The following TDP1 variants were observed in gnomAD, a reference collection of about 807,000 sequenced individuals.
TDP1 encodes tyrosyl-DNA phosphodiesterase 1, also known as tyr-DNA phosphodiesterase 1.
A neutral mutation model predicts 81.5 loss-of-function variants in TDP1; 64 were observed. That is an observed-to-expected ratio of 0.79 (90% CI 0.64 to 0.97). The LOEUF is 0.97. Among genes scored for constraint, TDP1 ranks in the 50% least tolerant of loss-of-function variants. TDP1 has a pLI of 0.00. For missense variants in TDP1, 723 were observed against 743.8 expected (o/e 0.97, Z 0.33); for synonymous variants, 256 against 264.3 (o/e 0.97, Z 0.30).
chr14:90,000,808 A>G (rs1897126060), intron 14 of TDP1, among the ~76,000 whole-genome samples: 1 of 152,226 alleles, frequency 6.6e-6, no homozygotes, highest in Non-Finnish European at 1.5e-5. Flanking sequence ...ACCCTTGTAC[A>G]CACTCAAAAG....
intron 3 of TDP1, chr14:89,964,769 A>G (rs1892740739): frequency 2.7e-6 from 1 of 369,712 alleles, no homozygotes; most frequent in Non-Finnish European, 5.2e-6. Flanking sequence ...GCTCTATATA[A>G]TAAAATAACC....
intron 14 of TDP1, among the ~76,000 whole-genome samples, chr14:90,011,678 A>G (rs963220523): frequency 6.6e-6 from 1 of 152,202 alleles, no homozygotes; most frequent in Non-Finnish European, 1.5e-5. Flanking sequence ...CTTGAGAAAG[A>G]TAATATAGGG....
At chr14:90,037,580 TGC>T (rs1163149166) in intron 16 of TDP1, among the ~76,000 whole-genome samples, 2 of 152,174 alleles carry the variant, frequency 1.3e-5, no homozygotes, top group African/African-American at 4.8e-5. Flanking sequence ...AAAGAATTCC[TGC>T]ACACTCTTTA....
At position 89,962,985 on chromosome 14, in the gene TDP1, T is replaced by G. The variant is rs1892508928; in HGVS notation, c.-7-123T>G. ...TTATAAACACCCAAAAAGCAGCTGA[T>G]GTTAGGTGGTTCAGCCTCTGGAAGG... On this transcript the variant is annotated intron_variant, in intron 2 of 16. Transcript: ENST00000335725. 3.1e-5 allele frequency: 48 copies of G among 1,551,090 alleles called. 2 individuals carry two copies. In the South Asian group the frequency reaches 5.4e-4, roughly 18 times the overall value.
chr14:89,967,301 A>G (rs1596509241), intron 4 of TDP1, 66 bp from the exon 5 acceptor site: 2 of 1,485,972 alleles, frequency 1.3e-6, no homozygotes, highest in East Asian at 4.5e-5. Context: ...TAACTAAACA[A>G]TTCTCCTTAT....
intron 14 of TDP1, among the ~76,000 whole-genome samples, chr14:90,013,038 A>G (rs142648472): frequency 3.1e-3 from 467 of 152,278 alleles, no homozygotes; most frequent in African/African-American, 0.011. Flanking sequence ...TCCCATTTAG[A>G]ATGGCTGTGT....
chr14:90,033,031 C>A, intron 15 of TDP1, 75 bp from the exon 16 acceptor site: 1 of 1,205,520 alleles, frequency 8.3e-7, no homozygotes, highest in Non-Finnish European at 1.2e-6. Context: ...ATTATTGCTT[C>A]TTGAGGCCTT....
intron 3 of TDP1, chr14:89,965,620 TC>T (rs1284193559): frequency 4.4e-6 from 1 of 226,032 alleles, no homozygotes; most frequent in Non-Finnish European, 7.4e-6. Flanking sequence ...AAGTGAGACT[TC>T]CCTAGAGATG....
intron 3 of TDP1, chr14:89,964,995 C>T (rs1404716773): frequency 8.3e-6 from 2 of 239,992 alleles, no homozygotes; most frequent in South Asian, 4.1e-5. Context: ...CTACCATGTG[C>T]CATAATTGTA....
intron 7 of TDP1, among the ~76,000 whole-genome samples, chr14:89,977,106 G>C (rs921559380): frequency 1.3e-5 from 2 of 152,096 alleles, no homozygotes; most frequent in African/African-American, 4.8e-5. Context: ...GGCGAGCCAA[G>C]ATCATGCCAC....
At chr14:89,986,428 A>T (rs1465370764) in intron 10 of TDP1, among the ~76,000 whole-genome samples, 1 of 152,270 alleles carries the variant, frequency 6.6e-6, no homozygotes, top group Non-Finnish European at 1.5e-5. Context: ...CAGGGCACAC[A>T]GTAAGTCTTC....
At chr14:90,015,915 G>T (rs76972377) in intron 14 of TDP1, among the ~76,000 whole-genome samples, 3 of 152,042 alleles carry the variant, frequency 2.0e-5, no homozygotes, top group Admixed American at 1.3e-4. Flanking sequence ...CCTAACACTC[G>T]GTAATGGTCA....
intron 7 of TDP1, among the ~76,000 whole-genome samples, chr14:89,978,737 A>G (rs1273375859): frequency 6.6e-6 from 1 of 152,252 alleles, no homozygotes; most frequent in Non-Finnish European, 1.5e-5. Flanking sequence ...ACGTTCTATC[A>G]TGAATCCATA....
chr14:90,036,593 C>T (rs1288836269), intron 16 of TDP1, among the ~76,000 whole-genome samples: 1 of 151,996 alleles, frequency 6.6e-6, no homozygotes, highest in African/African-American at 2.4e-5. Flanking sequence ...ACCAGTATAC[C>T]CTGCTTGGTG....
intron 14 of TDP1, among the ~76,000 whole-genome samples, chr14:90,000,716 C>A (rs919802337): frequency 1.3e-5 from 2 of 152,188 alleles, no homozygotes; most frequent in African/African-American, 4.8e-5. Context: ...TCGATTTACC[C>A]ATCTTATTCT....
At chr14:89,992,745 T>G (rs1406050026) in intron 13 of TDP1, among the ~76,000 whole-genome samples, 2 of 152,206 alleles carry the variant, frequency 1.3e-5, no homozygotes, top group Non-Finnish European at 2.9e-5. Flanking sequence ...AACCTGATTC[T>G]GTTTTCACAG....
chr14:90,032,239 A>C (rs996667934), intron 15 of TDP1, among the ~76,000 whole-genome samples: 5 of 152,122 alleles, frequency 3.3e-5, no homozygotes, highest in Non-Finnish European at 7.3e-5. Context: ...ACTGCCCATG[A>C]CCAGCCTCCG....
intron 3 of TDP1, among the ~76,000 whole-genome samples, chr14:89,965,397 C>T (rs138283611): frequency 5.9e-5 from 9 of 151,994 alleles, no homozygotes; most frequent in East Asian, 1.9e-4. Context: ...AAGGCTCCTC[C>T]GATATAAAAT....
In TDP1 at chr14:90,006,520, C is replaced by T. The variant is rs552160153; in HGVS notation, c.1542-12796C>T. Among the ~76,000 whole-genome samples the T allele has an allele frequency of 5.3e-5, 8 of 152,044 alleles. No individual in the cohort carries two copies. In the East Asian group the frequency reaches 9.7e-4, roughly 19 times the overall value. ...CAGCCTCCCCAAGTAGCTGGGACTA[C>T]AGGTGTATGCCACCATGCCTAGCTA... is the stretch of plus-strand genomic sequence containing the variant. On this transcript the variant is annotated intron_variant, in intron 14 of 16. Transcript: ENST00000335725.
Sources: gnomAD v4.1 joint callset for allele counts (sites outside exome capture counted in the v4.1 genomes callset) on GRCh38, gnomAD v4.1.1 for gene constraint, MANE v1.5 for transcripts, NCBI Gene and HGNC (gene_info 2026-07-23, HGNC 2026-07-21) for gene names.